Variants in MUC4 observed in about 807,000 individuals in gnomAD.
MUC4 encodes the protein mucin-4.
In MUC4, 202 loss-of-function variants were observed where a neutral mutation model predicts 257.9. The observed-to-expected ratio is 0.78, with a 90% CI of 0.70 to 0.88. MUC4 has a LOEUF of 0.88. Ranked by LOEUF, MUC4 falls within the 40% of genes least tolerant of loss-of-function variation. The pLI, the probability that MUC4 is intolerant of heterozygous loss-of-function variation, is 0.00. For missense variants in MUC4, 5,976 were observed against 6,513.7 expected, an observed-to-expected ratio of 0.92 and a Z score of 2.84; for synonymous variants, 2,351 against 2,757.1, an observed-to-expected ratio of 0.85 and a Z score of 4.62.
At chr3:195,773,336 C>T (rs1432513655) in intron 4 of MUC4, among the ~76,000 whole-genome samples, 19 of 144,814 alleles carry the variant, frequency 1.3e-4, no homozygotes, top group African/African-American at 4.8e-4. Flanking sequence ...GGTGTAGGCA[C>T]CCCCCTCCAT....
intron 13 of MUC4, 76 bp downstream of exon 13, chr3:195,762,779 T>A (rs1387009773): frequency 7.3e-7 from 1 of 1,369,262 alleles, no homozygotes; most frequent in Non-Finnish European, 1.0e-6. Flanking sequence ...CGCCCGGCCC[T>A]GCACCGCAAC....
In MUC4 at chr3:195,746,984, T is replaced by C. The variant is rs1715158271; in HGVS notation, c.*192A>G. 1 of 812,214 alleles carries C rather than the reference T, an allele frequency of 1.2e-6. No individual in the cohort carries two copies. Among genetic ancestry groups the C allele is most frequent in the South Asian group, 1.8e-5 (1 of 55,022 alleles). 50.3% of individuals were successfully genotyped at this position (812,214 alleles called of 1,614,324 possible). On this transcript the variant is annotated 3_prime_UTR_variant, in exon 25 of 25. Transcript: ENST00000463781. ...CCCATCCATGCATGTTTGATCTTTA[T>C]GGCCTCCCCCTGTGCACCTGCGCCT...
chr3:195,771,718 C>T lies in MUC4; in HGVS notation c.13176G>A (p.Val4392=), dbSNP rs779798054. ...CGTCCCAGAACGGAGCCACCAGGGC[C>T]ACAGGGTCCCGGCCTGTGAAGCCTG... ...LPTGFTGRDP[V]ALVAPFWDDA... is the part of the protein sequence containing the mutation. The change falls in exon 5 of 25, where the codon GTG becomes GTA. Residue 4392 remains valine (V), a synonymous_variant. Coordinates refer to ENST00000463781, the MANE Select transcript of MUC4 (RefSeq NM_018406.7). 3 of 1,613,922 alleles carry T rather than the reference C, an allele frequency of 1.9e-6. No individual in the cohort carries two copies. The highest frequency in any genetic ancestry group is 2.5e-6 in the Non-Finnish European group (3 of 1,179,872).
chr3:195,803,478 T>TGG (rs199704358), intron 1 of MUC4, among the ~76,000 whole-genome samples: 2,324 of 152,380 alleles, frequency 0.015, 24 homozygotes, highest in South Asian at 0.035. Flanking sequence ...GCATCTGCGC[T>TGG]GGGTCGAGTG....
At position 195,788,473 on chromosome 3, in the gene MUC4, C is replaced by T. The variant is rs545845070; in HGVS notation, c.3107G>A (p.Gly1036Asp). ...GGTGACAGGAAGAGGGGTGACGTGA[C>T]CTGTGGATTCTGAGGAAGTGTCGGT... Reference protein sequence around the residue: ...PVTDTSSESTGHVTPLPVTSF... With the variant: ...PVTDTSSESTDHVTPLPVTSF... The change falls in exon 2 of 25, where the codon GGT becomes GAT. Residue 1036 changes from glycine to aspartate, a missense_variant. Physicochemically the swap from Gly to Asp is moderately conservative, Grantham distance 94 (BLOSUM62 -1). Coordinates refer to ENST00000463781, the MANE Select transcript of MUC4 (RefSeq NM_018406.7). 6.5e-7 allele frequency: 1 copy of T among 1,542,972 alleles called. No homozygotes were observed.
chr3:195,798,954 G>C (rs1381112059), intron 1 of MUC4, among the ~76,000 whole-genome samples: 2 of 151,996 alleles, frequency 1.3e-5, no homozygotes, highest in African/African-American at 4.8e-5. Context: ...AAAATCTAGG[G>C]TGCTGTATAA....
chr3:195,811,824 G>T lies in MUC4; in HGVS notation c.-7C>A. ...TCCAGCGTGCCCCCTTCATGGCTGC[G>T]GCAAAAGTCCCCCTGGCTCCCTGGG... On this transcript the variant is annotated 5_prime_UTR_variant, in exon 1 of 25. Transcript: ENST00000463781. 1 of 1,613,390 alleles carries T rather than the reference G, an allele frequency of 6.2e-7. No individual in the cohort carries two copies. Among genetic ancestry groups the T allele is most frequent in the Non-Finnish European group, 8.5e-7 (1 of 1,179,702 alleles).
At chr3:195,762,296 C>A (rs771821457) in intron 13 of MUC4, 42 bp from the exon 14 acceptor site, 4 of 1,531,036 alleles carry the variant, frequency 2.6e-6, no homozygotes, top group Middle Eastern at 3.9e-4. Flanking sequence ...CAGGTCGGCA[C>A]CACGGCCCGC....
At chr3:195,767,370 CACCACCATCGCCAGCACT>C (rs1720744667) in intron 7 of MUC4, among the ~76,000 whole-genome samples, 1 of 149,306 alleles carries the variant, frequency 6.7e-6, no homozygotes, top group Admixed American at 6.7e-5. Flanking sequence ...CTACCACCAC[CACCACCATCGCCAGCACT>C]ACCACCACCA....
At chr3:195,798,572 C>T (rs914660799) in intron 1 of MUC4, among the ~76,000 whole-genome samples, 7 of 151,490 alleles carry the variant, frequency 4.6e-5, no homozygotes, top group Admixed American at 2.0e-4. Flanking sequence ...GGCGTGGTGG[C>T]GGGCGCCTGT....
chr3:195,762,804 A>G (rs956834119), intron 13 of MUC4, 51 bp downstream of exon 13: 8 of 1,469,276 alleles, frequency 5.4e-6, no homozygotes, highest in African/African-American at 1.4e-5. Flanking sequence ...CTTCCCGCCC[A>G]CCTCGCTGCT....
Position 195,790,522 on chromosome 3 carries a change from A to T in MUC4, c.1058T>A (p.Leu353Ter), listed in dbSNP as rs1466175458. 10 of 1,613,914 alleles carry T rather than the reference A, an allele frequency of 6.2e-6. No homozygotes were observed. The highest frequency in any genetic ancestry group is 8.5e-6 in the Non-Finnish European group (10 of 1,179,896). ...TGGGTTGAATCCACTTGGTGAGGAT[A>T]AAACAGTTGATGTTGTAACCGGTGT... ...TLTPVTTSTV[L>*]SSPSGFNPSG... is the part of the protein sequence containing the mutation. The change falls in exon 2 of 25, where the codon TTA becomes TAA. Residue 353 changes from leucine (L) to a stop codon, truncating the protein, a stop_gained. Transcript: ENST00000463781. LOFTEE classifies it high-confidence loss of function.
At chr3:195,802,327 C>T (rs1461724617) in intron 1 of MUC4, among the ~76,000 whole-genome samples, 1 of 150,830 alleles carries the variant, frequency 6.6e-6, no homozygotes, top group African/African-American at 2.4e-5. Flanking sequence ...CCACATCCTC[C>T]CCGTCGCTTT....
chr3:195,786,660 T>A lies in MUC4; in HGVS notation c.4920A>T (p.Ser1640=). The A allele has an allele frequency of 6.6e-7, 1 of 1,525,138 alleles. No homozygotes were observed. Among genetic ancestry groups the A allele is most frequent in the Non-Finnish European group, 8.8e-7 (1 of 1,133,536 alleles). 94.5% of individuals were successfully genotyped at this position (1,525,138 alleles called of 1,614,324 possible). The change falls in exon 2 of 25, where the codon TCA becomes TCT. Residue 1640 remains serine (S), a synonymous_variant. Transcript: ENST00000463781. ...GAGGGGTGGCGTGACCTGTGGATAA[T>A]GAGGAAGCATTGGTGACAGGAAGAG... is the stretch of plus-strand genomic sequence containing the variant. ...TTPLPVTNAS[S]LSTGHATPLH...
chr3:195,784,607 T>A lies in MUC4; in HGVS notation c.6973A>T (p.Ser2325Cys), dbSNP rs3103957. The A allele has an allele frequency of 1.5e-6, 2 of 1,307,494 alleles. No individual in the cohort carries two copies. Among genetic ancestry groups the A allele is most frequent in the African/African-American group, 2.5e-5 (1 of 40,714 alleles). 81.0% of individuals were successfully genotyped at this position (1,307,494 alleles called of 1,614,324 possible). ...TGHATPLPVTSLSSASTGDTT... is the reference protein window; with the variant it reads ...TGHATPLPVTCLSSASTGDTT... ...TCACCTGTGGATGCTGAGGAAAGGC[T>A]GGTGACAGGAAGAGGGGTGGCGTGA... The change falls in exon 2 of 25, where the codon AGC becomes TGC. Residue 2325 changes from serine to cysteine, a missense_variant. Ser to Cys is a moderately radical substitution (Grantham distance 112). Coordinates refer to ENST00000463781, the MANE Select transcript of MUC4 (RefSeq NM_018406.7).
intron 7 of MUC4, among the ~76,000 whole-genome samples, chr3:195,767,787 T>C (rs920968069): frequency 3.0e-4 from 12 of 40,310 alleles, no homozygotes; most frequent in Admixed American, 9.6e-4. Flanking sequence ...ATCACCACCA[T>C]CATTGCCACC....
At position 195,789,076 on chromosome 3, in the gene MUC4, G is replaced by C. The variant is rs760751320; in HGVS notation, c.2504C>G (p.Ser835Cys). ...GETTRFSSNP[S>C]RDSHTTQSTT... is the part of the protein sequence containing the mutation. ...TGACTGGGTTGTGTGACTGTCCCTG[G>C]AGGGGTTTGATGAAAACCTTGTCGT... is the stretch of plus-strand genomic sequence containing the variant. Residue 835 changes from serine (S) to cysteine (C), a missense_variant, in exon 2 of 25, where the codon TCC (serine) becomes TGC (cysteine). This residue lies in a region of MUC4 where 1,583 missense variants were observed against 1,257.4 expected (regional missense o/e 1.26). Coordinates refer to ENST00000463781, the MANE Select transcript of MUC4 (RefSeq NM_018406.7). The C allele has an allele frequency of 5.0e-6, 8 of 1,613,524 alleles. No homozygotes were observed. The highest frequency in any genetic ancestry group is 6.8e-6 in the Non-Finnish European group (8 of 1,179,766).
rs368035276 is a variant in MUC4, at chr3:195,750,964, G to C, written c.15796C>G (p.Arg5266Gly). 6.2e-7 allele frequency: 1 copy of C among 1,614,056 alleles called. No homozygotes were observed. ...TCGTTCCTGGGCTCCTCACTCCTCC[G>C]TGGAACGTGGTATAAGAACGCCTCC... ...VVEAFLYHVP[R>G]RSEEPRNDVV... The change falls in exon 23 of 25, where the codon CGG becomes GGG. Residue 5266 changes from arginine (R) to glycine (G), a missense_variant. Coordinates refer to ENST00000463781, the MANE Select transcript of MUC4 (RefSeq NM_018406.7).
chr3:195,794,163 T>C (rs1734254901), intron 1 of MUC4, among the ~76,000 whole-genome samples: 1 of 151,602 alleles, frequency 6.6e-6, no homozygotes. Context: ...TGTTTAAATA[T>C]TGGCTTTTTT....
Sources: allele counts gnomAD v4.1 joint callset (sites outside exome capture counted in the v4.1 genomes callset), GRCh38; gene constraint gnomAD v4.1.1; regional missense constraint gnomAD v4.1.1; transcripts MANE v1.5; gene names NCBI Gene and HGNC (gene_info 2026-07-23, HGNC 2026-07-21).